RNF170: variants seen among roughly 807,000 people sequenced by gnomAD.
RNF170 encodes E3 ubiquitin-protein ligase RNF170.
A neutral mutation model predicts 32.7 loss-of-function variants in RNF170; 12 were observed. The observed-to-expected ratio is 0.37, with a 90% CI of 0.24 to 0.60. RNF170 has a LOEUF of 0.60. Among genes scored for constraint, RNF170 ranks in the 20% least tolerant of loss-of-function variants. The pLI is 0.72. For missense variants in RNF170, 212 were observed against 311.2 expected (o/e 0.68, Z 2.40); for synonymous variants, 91 against 103.6 (o/e 0.88, Z 0.74).
intron 6 of RNF170, among the ~76,000 whole-genome samples, chr8:42,858,384 A>C (rs1803402060): frequency 6.6e-6 from 1 of 152,220 alleles, no homozygotes; most frequent in African/African-American, 2.4e-5. Flanking sequence ...GCATCTGAAT[A>C]GCTTAATATA....
chr8:42,850,805 A>C, downstream of RNF170: 1 of 1,551,636 alleles, frequency 6.4e-7, no homozygotes, highest in Non-Finnish European at 8.7e-7. Context: ...CCTGAGAACC[A>C]AAGGATGGAA....
chr8:42,886,551 A>G (rs1805844539), intron 2 of RNF170, among the ~76,000 whole-genome samples: 1 of 152,246 alleles, frequency 6.6e-6, no homozygotes, highest in African/African-American at 2.4e-5. Context: ...TCAGCCGCCC[A>G]AGTAGCTGGG....
rs147954397 is a variant in RNF170 at position 42,871,951 on chromosome 8, C to T, written c.214-1839G>A. On this transcript the variant is annotated intron_variant, in intron 3 of 6. Transcript: ENST00000527424. The stretch of plus-strand genomic sequence containing the variant: ...GCAATAATTGAAATCTTTATCAGTG[C>T]TATCCAATACAGTAGCCAGGAGCCA... Among the ~76,000 whole-genome samples the T allele has an allele frequency of 1.6e-4, 24 of 152,360 alleles. No homozygotes were observed. In the East Asian group the frequency reaches 4.4e-3, roughly 28 times the overall value.
chr8:42,883,670 A>C (rs1394743176), intron 2 of RNF170, among the ~76,000 whole-genome samples: 1 of 151,358 alleles, frequency 6.6e-6, no homozygotes, highest in Non-Finnish European at 1.5e-5. Flanking sequence ...ACTTGAGACC[A>C]GGAGTTCAAG....
At chr8:42,876,347 CCTGT>C (rs1395507433) in intron 2 of RNF170, among the ~76,000 whole-genome samples, 2 of 151,844 alleles carry the variant, frequency 1.3e-5, no homozygotes, top group East Asian at 3.9e-4. Flanking sequence ...CTGAATACTG[CCTGT>C]AACTCCCATA....
At chr8:42,887,957 C>T in intron 1 of RNF170, 86 bp from the exon 2 acceptor site, 3 of 1,243,054 alleles carry the variant, frequency 2.4e-6, no homozygotes, top group South Asian at 2.5e-5. Flanking sequence ...ATATAACTGA[C>T]TTCTAATATA....
intron 2 of RNF170, among the ~76,000 whole-genome samples, chr8:42,874,523 C>T (rs1003728840): frequency 3.9e-5 from 6 of 151,908 alleles, no homozygotes; most frequent in Non-Finnish European, 7.4e-5. Context: ...GGTGGATCAC[C>T]TGAGGTCAGG....
chr8:42,867,471 CAAAAAAAAA>C (rs34272095), intron 4 of RNF170, among the ~76,000 whole-genome samples: 1 of 35,706 alleles, frequency 2.8e-5, no homozygotes, highest in African/African-American at 1.2e-4. Flanking sequence ...AACTCCGTCT[CAAAAAAAAA>C]AAAAAAAAAA....
upstream of RNF170, chr8:42,897,165 CT>C (rs1807007086): frequency 8.0e-7 from 1 of 1,249,042 alleles, no homozygotes; most frequent in Non-Finnish European, 1.0e-6. Context: ...GCGGGCGGAG[CT>C]GTGCGAGAGC....
In RNF170 at chr8:42,892,674, GTTT is replaced by G. The variant is rs559187435; in HGVS notation, c.-8+3807_-8+3809del. On this transcript the variant is annotated intron_variant, in intron 1 of 6. Transcript: ENST00000527424. ...TGTTATTTGGAGGCTCTGTTGCAGCGTTTTTTTTTTTTTTTTTAAACCCTAGAT... is the reference window on the plus strand; with the variant it reads ...TGTTATTTGGAGGCTCTGTTGCAGCGTTTTTTTTTTTTTTAAACCCTAGAT... 6.1e-5 allele frequency among the ~76,000 whole-genome samples: 8 copies of G among 130,872 alleles called. No individual in the cohort carries two copies. The South Asian group carries it at 1.3e-3, about 20-fold the overall frequency. 85.9% of individuals were successfully genotyped at this position (130,872 alleles called of 152,430 possible). A position where few individuals can be genotyped will look rare whatever the true frequency, so the allele number is the denominator to read the frequency against.
rs761561013 is a variant in RNF170, at chr8:42,855,440, T to C, written c.*719A>G. On this transcript the variant is annotated 3_prime_UTR_variant, in exon 7 of 7. Coordinates refer to ENST00000527424, the MANE Select transcript of RNF170 (RefSeq NM_030954.4). ...GTTAGCCAGGATGGTCCTGATCTCC[T>C]GACCTTGTGATCTACCCGCCTCAGC... The C allele has an allele frequency of 2.5e-5, 20 of 803,216 alleles. No individual in the cohort carries two copies. Among genetic ancestry groups the C allele is most frequent in the Non-Finnish European group, 3.6e-6 (2 of 550,540 alleles). The allele number at this position is 803,216 out of a possible 1,614,324, so 49.8% of individuals were successfully genotyped here.
intron 1 of RNF170, among the ~76,000 whole-genome samples, chr8:42,889,605 T>A (rs558202747): frequency 2.6e-5 from 4 of 152,274 alleles, no homozygotes; most frequent in African/African-American, 9.6e-5. Context: ...TTACCACTCA[T>A]GGAAGAAACC....
chr8:42,876,654 T>G (rs1804956345), intron 2 of RNF170, among the ~76,000 whole-genome samples: 1 of 144,148 alleles, frequency 6.9e-6, no homozygotes, highest in Non-Finnish European at 1.5e-5. Flanking sequence ...TGTTTTTTTG[T>G]GGGTTTTTTT....
chr8:42,874,240 A>G (rs1369214848), intron 2 of RNF170, among the ~76,000 whole-genome samples: 2 of 152,242 alleles, frequency 1.3e-5, no homozygotes, highest in Non-Finnish European at 2.9e-5. Context: ...CCAGAGGCCT[A>G]GTACCTTGGA....
At position 42,854,827 on chromosome 8, in the gene RNF170, C is replaced by T; in HGVS notation, c.*1332G>A. 3.1e-6 allele frequency: 4 copies of T among 1,287,250 alleles called. No individual in the cohort carries two copies. Among genetic ancestry groups the T allele is most frequent in the Non-Finnish European group, 3.0e-6 (3 of 988,696 alleles). 79.7% of individuals were successfully genotyped at this position (1,287,250 alleles called of 1,614,324 possible). On this transcript the variant is annotated 3_prime_UTR_variant, in exon 7 of 7. Transcript: ENST00000527424. ...GCCAGCTGAAGTGAGTAAGATCTCCCAGTACCATGTGGTACTGAGTCTTCT... is the reference window on the plus strand; with the variant it reads ...GCCAGCTGAAGTGAGTAAGATCTCCTAGTACCATGTGGTACTGAGTCTTCT...
At chr8:42,896,455 T>TAA (rs1806892189) in intron 1 of RNF170, 29 bp downstream of exon 1, 1 of 453,304 alleles carries the variant, frequency 2.2e-6, no homozygotes, top group East Asian at 7.0e-5. Context: ...CCCGATAGGG[T>TAA]GGGCGTGGCC....
intron 1 of RNF170, among the ~76,000 whole-genome samples, chr8:42,888,459 TA>T (rs879849612): frequency 7.5e-4 from 108 of 143,190 alleles, no homozygotes; most frequent in African/African-American, 1.2e-3. Context: ...TTAACCCCTT[TA>T]AAAAAAAAAA....
intron 6 of RNF170, among the ~76,000 whole-genome samples, chr8:42,861,065 T>G (rs1162563001): frequency 6.6e-6 from 1 of 152,198 alleles, no homozygotes; most frequent in Non-Finnish European, 1.5e-5. Context: ...CTAGGGCAAA[T>G]AGAATAAACC....
rs568978947 is a variant in RNF170, at chr8:42,896,415, C to T, written c.-8+69G>A. 1.5e-3 allele frequency: 658 copies of T among 451,680 alleles called. 4 individuals carry two copies. The highest frequency in any genetic ancestry group is 2.1e-3 in the Non-Finnish European group (473 of 225,556). 28.0% of individuals were successfully genotyped at this position (451,680 alleles called of 1,614,324 possible). ...GGCGGCCAGAGCTACCCCAAGAAGG[C>T]CAGACCCCGCCGTCCGCGGCTCCGC... On this transcript the variant is annotated intron_variant, in intron 1 of 6. Transcript: ENST00000527424.
Sources: allele counts gnomAD v4.1 joint callset (sites outside exome capture counted in the v4.1 genomes callset), GRCh38; gene constraint gnomAD v4.1.1; transcripts MANE v1.5; gene names NCBI Gene and HGNC (gene_info 2026-07-23, HGNC 2026-07-21).